NRG2: variants seen among roughly 807,000 people sequenced by gnomAD.
The protein encoded by NRG2 is pro-neuregulin-2, membrane-bound isoform.
Under a neutral mutation model 73.9 loss-of-function variants are expected in NRG2, and 27 were observed. That is an observed-to-expected ratio of 0.37 (90% CI 0.27 to 0.50). The LOEUF (loss-of-function observed/expected upper bound fraction) is 0.50. Ranked by LOEUF, NRG2 falls within the 20% of genes least tolerant of loss-of-function variation. The pLI, the probability that NRG2 is intolerant of heterozygous loss-of-function variation, is 0.96. For synonymous variants in NRG2, 532 were observed against 541.0 expected (o/e 0.98, Z 0.23); for missense variants, 1,126 against 1,210.1 (o/e 0.93, Z 1.03).
rs762226728 is a variant in NRG2, at chr5:139,865,030, A to C, written c.1189+519T>G. The C allele has an allele frequency of 2.6e-6, 3 of 1,136,354 alleles. No homozygotes were observed. The highest frequency in any genetic ancestry group is 4.0e-6 in the Non-Finnish European group (3 of 745,304). The allele number at this position is 1,136,354 out of a possible 1,614,324, so 70.4% of individuals were successfully genotyped here. A position where few individuals can be genotyped will look rare whatever the true frequency, so the allele number is the denominator to read the frequency against. ...CAGGACACCCTCTACATCTCCCCCT[A>C]GTCTTGCTAAGCAAGGCCCCATCCC... On this transcript the variant is annotated intron_variant, in intron 5 of 9. Coordinates refer to ENST00000361474, the MANE Select transcript of NRG2 (RefSeq NM_004883.3). The surrounding 1 kb of genome is among the most constrained non-coding windows in gnomAD (Gnocchi z 5.2).
At chr5:139,911,949 T>C (rs1750857057) in intron 1 of NRG2, among the ~76,000 whole-genome samples, 1 of 152,186 alleles carries the variant, frequency 6.6e-6, no homozygotes, top group East Asian at 1.9e-4. Context: ...AGGCCTTAGC[T>C]ACTATCTATA....
intron 1 of NRG2, among the ~76,000 whole-genome samples, chr5:139,969,685 C>T (rs1481583891): frequency 1.3e-5 from 2 of 152,200 alleles, no homozygotes; most frequent in Non-Finnish European, 2.9e-5. Flanking sequence ...ACAAATAAGA[C>T]ACAACTCTTG....
chr5:139,989,972 TA>T (rs1757473299), intron 1 of NRG2, among the ~76,000 whole-genome samples: 1 of 151,260 alleles, frequency 6.6e-6, no homozygotes, highest in Non-Finnish European at 1.5e-5. Flanking sequence ...GTATTTTTAG[TA>T]GAGACGGGGT....
intron 1 of NRG2, among the ~76,000 whole-genome samples, chr5:140,034,704 G>T (rs1761383559): frequency 6.6e-6 from 1 of 151,930 alleles, no homozygotes; most frequent in Admixed American, 6.6e-5. Context: ...ACACTACAAT[G>T]AGTAACTGAA....
chr5:139,895,778 C>T (rs1039293205), intron 1 of NRG2, among the ~76,000 whole-genome samples: 1 of 152,170 alleles, frequency 6.6e-6, no homozygotes, highest in Non-Finnish European at 1.5e-5. Context: ...GGGCAGAGGT[C>T]GGGGACAAAG....
chr5:139,932,994 G>C (rs549972053), intron 1 of NRG2, among the ~76,000 whole-genome samples: 1 of 152,340 alleles, frequency 6.6e-6, no homozygotes, highest in African/African-American at 2.4e-5. Flanking sequence ...GTGAGAACAG[G>C]CCGCACGCGG....
chr5:139,960,382 G>A (rs1754969872), intron 1 of NRG2, among the ~76,000 whole-genome samples: 1 of 152,152 alleles, frequency 6.6e-6, no homozygotes, highest in Non-Finnish European at 1.5e-5. Flanking sequence ...GGGCACAGTG[G>A]CACATGCCCG....
chr5:139,879,306 A>G lies in NRG2; in HGVS notation c.991+1550T>C, dbSNP rs150420106. Among the ~76,000 whole-genome samples the G allele has an allele frequency of 8.8e-4, 134 of 152,294 alleles. 1 individual carries two copies. The highest frequency in any genetic ancestry group is 2.3e-3 in the African/African-American group (97 of 41,570). On this transcript the variant is annotated intron_variant, in intron 3 of 9. Transcript: ENST00000361474. Reference sequence around the variant, plus strand: ...GAGAGTTGAAGGCTAATCAAAGGCTAGAATTCAAGAGATGCCATCAGAGCA... The same window carrying G: ...GAGAGTTGAAGGCTAATCAAAGGCTGGAATTCAAGAGATGCCATCAGAGCA...
intron 1 of NRG2, among the ~76,000 whole-genome samples, chr5:139,902,902 C>T (rs1361184967): frequency 1.3e-5 from 2 of 152,210 alleles, no homozygotes; most frequent in African/African-American, 2.4e-5. Flanking sequence ...CTATAAGACA[C>T]ACTTGTCTGG....
At chr5:140,026,856 T>C (rs1198773545) in intron 1 of NRG2, among the ~76,000 whole-genome samples, 1 of 152,080 alleles carries the variant, frequency 6.6e-6, no homozygotes, top group Non-Finnish European at 1.5e-5. Context: ...CATAACAGGG[T>C]ATGGCAAGAA....
At chr5:139,974,705 G>T (rs114796741) in intron 1 of NRG2, among the ~76,000 whole-genome samples, 1 of 151,832 alleles carries the variant, frequency 6.6e-6, no homozygotes, top group Non-Finnish European at 1.5e-5. Context: ...TCTTCTCCCC[G>T]TAGATCAGAG....
In NRG2 at chr5:139,867,801, AGTGTGTGTGTGTGT is replaced by A. The variant is rs1202470798; in HGVS notation, c.1113-2190_1113-2177del. Among the ~76,000 whole-genome samples, 36 of 79,456 alleles carry A rather than the reference AGTGTGTGTGTGTGT, an allele frequency of 4.5e-4. 1 individual carries two copies. The highest frequency in any genetic ancestry group is 6.2e-4 in the Non-Finnish European group (24 of 38,554). The allele number at this position is 79,456 out of a possible 152,430, so 52.1% of individuals were successfully genotyped here. A position where few individuals can be genotyped will look rare whatever the true frequency, so the allele number is the denominator to read the frequency against. On this transcript the variant is annotated intron_variant, in intron 4 of 9. Transcript: ENST00000361474. ...GTGTGTGTGTGTGTGTGTGTGTATG[AGTGTGTGTGTGTGT>A]GTGTGTGTGTGTGTGTGTGTGACAG...
intron 1 of NRG2, among the ~76,000 whole-genome samples, chr5:139,969,169 T>G (rs1421885140): frequency 2.0e-5 from 3 of 152,348 alleles, no homozygotes; most frequent in African/African-American, 7.2e-5. Context: ...GAAAGGGCCA[T>G]TCTAATTTAA....
At chr5:139,876,256 G>A (rs865808610) in intron 3 of NRG2, among the ~76,000 whole-genome samples, 36 of 152,246 alleles carry the variant, frequency 2.4e-4, no homozygotes, top group African/African-American at 8.4e-4. Flanking sequence ...TAAGAAGACA[G>A]TCACAAAAGG....
chr5:139,939,237 TTC>T (rs1561694607), intron 1 of NRG2, among the ~76,000 whole-genome samples: 3 of 143,246 alleles, frequency 2.1e-5, no homozygotes, highest in African/African-American at 8.6e-5. Context: ...CCTTCCTTCC[TTC>T]CTTCCTTTCT....
At chr5:139,855,565 G>A (rs1451205899) in intron 6 of NRG2, 111 bp downstream of exon 6, 1 of 904,152 alleles carries the variant, frequency 1.1e-6, no homozygotes, top group African/African-American at 1.6e-5. Flanking sequence ...TGGGGCCTAG[G>A]AGGGTATAGA....
intron 1 of NRG2, among the ~76,000 whole-genome samples, chr5:139,900,831 C>T (rs1202631093): frequency 6.6e-6 from 1 of 152,200 alleles, no homozygotes; most frequent in Non-Finnish European, 1.5e-5. Context: ...TGACTTGGCC[C>T]TGAAGCTCCC....
At chr5:139,979,334 C>A (rs1756619614) in intron 1 of NRG2, among the ~76,000 whole-genome samples, 2 of 152,236 alleles carry the variant, frequency 1.3e-5, no homozygotes, top group South Asian at 4.1e-4. Flanking sequence ...CGAGTAGAGC[C>A]CCTCACCTCC....
At position 139,904,211 on chromosome 5, in the gene NRG2, C is replaced by T; in HGVS notation, c.701-16700G>A. 1 of 1,267,336 alleles carries T rather than the reference C, an allele frequency of 7.9e-7. No individual in the cohort carries two copies. The highest frequency in any genetic ancestry group is 1.0e-6 in the Non-Finnish European group (1 of 979,856). 78.5% of individuals were successfully genotyped at this position (1,267,336 alleles called of 1,614,324 possible). A position where few individuals can be genotyped will look rare whatever the true frequency, so the allele number is the denominator to read the frequency against. On this transcript the variant is annotated intron_variant, in intron 1 of 9. Transcript: ENST00000361474. The surrounding 1 kb of genome is among the most constrained non-coding windows in gnomAD (Gnocchi z 6.0). ...CCTGTCACCGCGGCGGCCGCTAGCG[C>T]AGCCTAGACTCACCCGCGCTGCGCT...
Sources: gnomAD v4.1 joint callset for allele counts (sites outside exome capture counted in the v4.1 genomes callset) on GRCh38, gnomAD v4.1.1 for gene constraint, Gnocchi (gnomAD v3.1) non-coding constraint, MANE v1.5 for transcripts, NCBI Gene and HGNC (gene_info 2026-07-23, HGNC 2026-07-21) for gene names.